Variants in CTNND2 observed in about 807,000 individuals in gnomAD.
CTNND2 encodes the protein catenin delta-2.
A neutral mutation model predicts 144.4 loss-of-function variants in CTNND2; 22 were observed. The observed-to-expected ratio is 0.15, with a 90% confidence interval of 0.11 to 0.22. The LOEUF is 0.22. Ranked by LOEUF, CTNND2 falls within the 10% of genes least tolerant of loss-of-function variation. The pLI is 1.00. For missense variants in CTNND2, 1,353 were observed against 1,618.8 expected, an observed-to-expected ratio of 0.84 and a Z score of 2.82; for synonymous variants, 751 against 695.6, an observed-to-expected ratio of 1.08 and a Z score of -1.25.
At chr5:11,114,755 T>G (rs1448339821) in intron 13 of CTNND2, among the ~76,000 whole-genome samples, 1 of 152,158 alleles carries the variant, frequency 6.6e-6, no homozygotes, top group East Asian at 1.9e-4. Context: ...TTGTATGGAA[T>G]CCACGCTCTT....
At chr5:11,673,146 T>G (rs1215198688) in intron 2 of CTNND2, among the ~76,000 whole-genome samples, 1 of 152,124 alleles carries the variant, frequency 6.6e-6, no homozygotes, top group Non-Finnish European at 1.5e-5. Context: ...AATCAGAAAA[T>G]GCAGGGCCTC....
chr5:11,361,192 TG>T (rs748065373), intron 8 of CTNND2, among the ~76,000 whole-genome samples: 103 of 152,274 alleles, frequency 6.8e-4, no homozygotes, highest in Admixed American at 2.6e-3. Context: ...GGCTAATTTT[TG>T]TATTTTTAGT....
chr5:11,408,722 T>C (rs1302077999), intron 5 of CTNND2, among the ~76,000 whole-genome samples: 1 of 152,090 alleles, frequency 6.6e-6, no homozygotes, highest in Non-Finnish European at 1.5e-5. Flanking sequence ...ACTTCCCTAT[T>C]ATAAACCATT....
At chr5:11,041,980 A>G (rs1215527740) in intron 16 of CTNND2, among the ~76,000 whole-genome samples, 2 of 152,230 alleles carry the variant, frequency 1.3e-5, no homozygotes, top group African/African-American at 2.4e-5. Flanking sequence ...AATGAAGCCA[A>G]CTGTTCAACT....
rs373490633 is a variant in CTNND2 at position 10,988,129 on chromosome 5, T to A, written c.3325A>T (p.Arg1109Trp). The stretch of plus-strand genomic sequence containing the variant: ...CGCTCACCTGTCATGGCATCTTTCC[T>A]GGAAGTGTGTTCGCCTTTAGCTCCG... Reference protein sequence around the residue: ...YHGAKGEHTSRKDAMTAQNTG... With the variant: ...YHGAKGEHTSWKDAMTAQNTG... Residue 1109 changes from arginine (R) to tryptophan (W), a missense_variant, in exon 20 of 22, where the codon AGG becomes TGG. Transcript: ENST00000304623. This position sits in a 1 kb window ranked among gnomAD's most constrained non-coding sequence, Gnocchi z 5.9. The A allele has an allele frequency of 1.2e-6, 2 of 1,614,090 alleles. No individual in the cohort carries two copies. The highest frequency in any genetic ancestry group is 3.3e-5 in the Admixed American group (2 of 60,014).
chr5:11,198,337 A>G lies in CTNND2; in HGVS notation c.1975+1111T>C, dbSNP rs61751787. 6.1e-3 allele frequency among the ~76,000 whole-genome samples: 930 copies of G among 152,364 alleles called. 12 individuals are homozygous for G. Among genetic ancestry groups the G allele is most frequent in the African/African-American group, 0.021 (866 of 41,588 alleles). On this transcript the variant is annotated intron_variant, in intron 11 of 21. Transcript: ENST00000304623. ...GTTATAGAAAGAAAAAACAAAAGAA[A>G]AAAACCAATTTACATCTAGTTCTAA...
chr5:11,159,709 G>C lies in CTNND2; in HGVS notation c.2026C>G (p.Gln676Glu). The change falls in exon 12 of 22, where the codon CAG becomes GAG. Residue 676 changes from glutamine (Q) to glutamate (E), a missense_variant. Transcript: ENST00000304623. ...TTGGTCAGTACTGCTAGGGCATCCT[G>C]GATGATTGGCATTTTGAGTGCATCG... ...SCDALKMPII[Q>E]DALAVLTNAV... The C allele has an allele frequency of 6.2e-7, 1 of 1,609,342 alleles. No individual in the cohort carries two copies. The highest frequency in any genetic ancestry group is 8.5e-7 in the Non-Finnish European group (1 of 1,177,924).
At chr5:11,426,013 C>T (rs995755187) in intron 3 of CTNND2, among the ~76,000 whole-genome samples, 1 of 152,172 alleles carries the variant, frequency 6.6e-6, no homozygotes, top group African/African-American at 2.4e-5. Context: ...CCTATTAGGT[C>T]AGGTTAGCCA....
In CTNND2 at chr5:11,252,555, G is replaced by T. The variant is rs12654666; in HGVS notation, c.1629-15732C>A. Among the ~76,000 whole-genome samples the T allele has an allele frequency of 1.2e-4, 19 of 152,324 alleles. No individual in the cohort carries two copies. In the East Asian group the frequency reaches 3.5e-3, roughly 28 times the overall value. On this transcript the variant is annotated intron_variant, in intron 9 of 21. Coordinates refer to ENST00000304623, the MANE Select transcript of CTNND2 (RefSeq NM_001332.4). ...AGCATGTTCTGTGTTGCTAAGAACT[G>T]CTCTTATGCCTTCCTCACTTAATGT...
At chr5:11,706,644 G>A (rs1785709088) in intron 2 of CTNND2, among the ~76,000 whole-genome samples, 1 of 152,164 alleles carries the variant, frequency 6.6e-6, no homozygotes, top group Non-Finnish European at 1.5e-5. Context: ...ATGTCTTTTT[G>A]TGAATATCAC....
chr5:11,174,020 T>C (rs1336461214), intron 11 of CTNND2, among the ~76,000 whole-genome samples: 1 of 152,036 alleles, frequency 6.6e-6, no homozygotes, highest in East Asian at 1.9e-4. Context: ...CGTGGTCAAG[T>C]CTGAGACGTA....
At chr5:11,695,792 T>A (rs1486855285) in intron 2 of CTNND2, among the ~76,000 whole-genome samples, 1 of 152,208 alleles carries the variant, frequency 6.6e-6, no homozygotes, top group South Asian at 2.1e-4. Flanking sequence ...GTCCCATTTT[T>A]ATCACACTAT....
intron 1 of CTNND2, among the ~76,000 whole-genome samples, chr5:11,866,328 T>C (rs1024261633): frequency 6.6e-6 from 1 of 152,120 alleles, no homozygotes; most frequent in Non-Finnish European, 1.5e-5. Context: ...GAAAATGCAT[T>C]TGTGATGTTT....
intron 9 of CTNND2, among the ~76,000 whole-genome samples, chr5:11,295,215 G>C (rs1748783256): frequency 6.6e-6 from 1 of 152,154 alleles, no homozygotes; most frequent in African/African-American, 2.4e-5. Context: ...CAAATCATGA[G>C]TGAACTCCCA....
rs112524969 is a variant in CTNND2 at position 11,842,391 on chromosome 5, C to A, written c.37+61426G>T. Among the ~76,000 whole-genome samples, 712 of 152,164 alleles carry A rather than the reference C, an allele frequency of 4.7e-3. 4 individuals carry two copies. Among genetic ancestry groups the A allele is most frequent in the African/African-American group, 0.017 (689 of 41,516 alleles). On this transcript the variant is annotated intron_variant, in intron 1 of 21. Transcript: ENST00000304623. ...CAAAGTGCAAGAATAATATGGAAAG[C>A]CAAATCTTGGTAGCAACATATACTG...
intron 2 of CTNND2, among the ~76,000 whole-genome samples, chr5:11,611,580 C>T (rs952646944): frequency 8.5e-5 from 13 of 152,054 alleles, no homozygotes; most frequent in Non-Finnish European, 1.6e-4. Flanking sequence ...GAGTTCGAGA[C>T]CAGCCTGGAA....
At chr5:11,307,173 A>G (rs1750325143) in intron 9 of CTNND2, among the ~76,000 whole-genome samples, 1 of 151,868 alleles carries the variant, frequency 6.6e-6, no homozygotes, top group African/African-American at 2.4e-5. Context: ...TTTTACTGCT[A>G]TAGTAATTCT....
chr5:11,422,187 C>T (rs1041700336), intron 3 of CTNND2, among the ~76,000 whole-genome samples: 1 of 151,686 alleles, frequency 6.6e-6, no homozygotes. Context: ...ATATAAGTTA[C>T]AGGCTCTGTA....
intron 10 of CTNND2, among the ~76,000 whole-genome samples, chr5:11,215,567 T>C (rs1016689220): frequency 6.6e-6 from 1 of 152,212 alleles, no homozygotes; most frequent in African/African-American, 2.4e-5. Flanking sequence ...TAAATGAACT[T>C]GGGTTAAATA....
Sources: allele counts gnomAD v4.1 joint callset (sites outside exome capture counted in the v4.1 genomes callset), GRCh38; gene constraint gnomAD v4.1.1; non-coding constraint Gnocchi (gnomAD v3.1); transcripts MANE v1.5; gene names NCBI Gene and HGNC (gene_info 2026-07-23, HGNC 2026-07-21).